MORC4: variants seen among roughly 807,000 people sequenced by gnomAD.
MORC4 encodes MORC family CW-type zinc finger protein 4.
In MORC4, 22 loss-of-function variants were observed where a neutral mutation model predicts 65.5. The ratio of observed to expected loss-of-function variants is 0.34; its 90% CI spans 0.24 to 0.48. The LOEUF is 0.48. Among genes scored for constraint, MORC4 ranks in the 20% least tolerant of loss-of-function variants. The pLI is 0.99. For synonymous variants in MORC4, 267 were observed against 255.8 expected (o/e 1.04, Z -0.42); for missense variants, 624 against 703.0 (o/e 0.89, Z 1.27).
In MORC4 at chrX:106,941,409, AGAC is replaced by A; in HGVS notation, c.*67_*69del. The stretch of plus-strand genomic sequence containing the variant: ...GAGAGAGAGAGAGAGAGAGAGAGAG[AGAC>A]GTGAGGGAGGGAGAGAAAAGAGAAC... On this transcript the variant is annotated 3_prime_UTR_variant, in exon 17 of 17. Transcript: ENST00000355610. The A allele has an allele frequency of 1.4e-6, 1 of 722,007 alleles. No individual in the cohort carries two copies. The highest frequency in any genetic ancestry group is 1.9e-6 in the Non-Finnish European group (1 of 514,210). 59.5% of individuals were successfully genotyped at this position (722,007 alleles called of 1,213,427 possible).
rs374561041 is a variant in MORC4, at chrX:106,956,462, G to A, written c.1509+18C>T. 3 of 1,173,417 alleles carry A rather than the reference G, an allele frequency of 2.6e-6. No homozygotes were observed. The highest frequency in any genetic ancestry group is 2.3e-6 in the Non-Finnish European group (2 of 860,471). On this transcript the variant is annotated intron_variant, in intron 13 of 16. Transcript: ENST00000355610. ...AAAATGTTGTGTGAGAACAATAAGG[G>A]TGTGCACTGCCTCTCACCTGGTGGT...
chrX:106,999,302 C>G (rs1935134983), intron 2 of MORC4, among the ~76,000 whole-genome samples: 1 of 111,626 alleles, frequency 9.0e-6, no homozygotes, highest in Non-Finnish European at 1.9e-5. Flanking sequence ...CGCCCCTTTG[C>G]TAGCTAGGCA....
chrX:106,945,983 C>T (rs922289379), intron 14 of MORC4, among the ~76,000 whole-genome samples: 1 of 111,844 alleles, frequency 8.9e-6, no homozygotes, highest in African/African-American at 3.2e-5. Flanking sequence ...TTTTTACTCA[C>T]TCATTTCATA....
In MORC4 at chrX:106,942,209, C is replaced by G; in HGVS notation, c.2389G>C (p.Glu797Gln). The G allele has an allele frequency of 8.3e-7, 1 of 1,203,532 alleles. No homozygotes were observed. Among genetic ancestry groups the G allele is most frequent in the Non-Finnish European group, 1.1e-6 (1 of 890,726 alleles). Residue 797 changes from glutamate to glutamine, a missense_variant, in exon 16 of 17, where the codon GAA (glutamate) becomes CAA (glutamine). By Grantham distance (29) the Glu-to-Gln change is conservative (BLOSUM62 2). Coordinates refer to ENST00000355610, the MANE Select transcript of MORC4 (RefSeq NM_024657.5). The part of the protein sequence containing the change: ...NLFQQKVEEL[E>Q]QERNHWQSEF... ...GACTGCCAGTGATTCCTCTCCTGTT[C>G]CAGCTCCTCCACCTGCAGTCCAAGA... is the stretch of plus-strand genomic sequence containing the variant.
intron 2 of MORC4, among the ~76,000 whole-genome samples, chrX:106,998,510 A>T (rs1409995331): frequency 8.9e-6 from 1 of 112,079 alleles, no homozygotes; most frequent in African/African-American, 3.2e-5. Context: ...CACTATGTAA[A>T]TCACTACTTT....
chrX:106,991,323 T>C (rs1165420022), intron 3 of MORC4, among the ~76,000 whole-genome samples: 1 of 112,624 alleles, frequency 8.9e-6, no homozygotes, highest in Non-Finnish European at 1.9e-5. Context: ...TCTTTCTCAT[T>C]AAGCTGTCAG....
rs764104167 is a variant in MORC4 at position 106,962,050 on chromosome X, T to C, written c.1218A>G (p.Gln406=). The C allele has an allele frequency of 2.5e-6, 3 of 1,210,328 alleles. No individual in the cohort carries two copies. The South Asian group carries it at 5.3e-5, about 21-fold the overall frequency. ...LNAYWKEKTS[Q]DNFETSTVAR... ...CTACAGTTGAGGTCTCAAAATTATC[T>C]TGAGATGTTTTTTCCTTCCAGTAAG... is the stretch of plus-strand genomic sequence containing the variant. Residue 406 remains glutamine (Q), a synonymous_variant, in exon 10 of 17, where the codon CAA becomes CAG. Coordinates refer to ENST00000355610, the MANE Select transcript of MORC4 (RefSeq NM_024657.5).
Position 106,962,078 on chromosome X carries a change from T to C in MORC4, c.1190A>G (p.Asn397Ser), listed in dbSNP as rs878920098. The C allele has an allele frequency of 3.3e-6, 4 of 1,209,083 alleles. No homozygotes were observed. Among genetic ancestry groups the C allele is most frequent in the South Asian group, 1.8e-5 (1 of 56,870 alleles). The change falls in exon 10 of 17, where the codon AAT becomes AGT. Residue 397 changes from asparagine to serine, a missense_variant. Asn to Ser is a conservative substitution (Grantham distance 46). Transcript: ENST00000355610. The stretch of plus-strand genomic sequence containing the variant: ...AGATGTTTTTTCCTTCCAGTAAGCA[T>C]TGAGCTTCTGGGCAAGGGCATTTAT... ...LTINALAQKL[N>S]AYWKEKTSQD...
rs1229390389 is a variant in MORC4 at position 106,941,461 on chromosome X, G to C, written c.*18C>G. The C allele has an allele frequency of 4.3e-6, 5 of 1,164,410 alleles. No individual in the cohort carries two copies. Among genetic ancestry groups the C allele is most frequent in the Non-Finnish European group, 5.8e-6 (5 of 862,332 alleles). ...ACAGACAGAAGATAAGAGAAGAGAAGGGTATACAGTCTGGTGCTCAATCCA... is the reference window on the plus strand; with the variant it reads ...ACAGACAGAAGATAAGAGAAGAGAACGGTATACAGTCTGGTGCTCAATCCA... On this transcript the variant is annotated 3_prime_UTR_variant, in exon 17 of 17. Transcript: ENST00000355610.
At chrX:106,964,024 A>G (rs931782326) in intron 9 of MORC4, among the ~76,000 whole-genome samples, 3 of 111,544 alleles carry the variant, frequency 2.7e-5, no homozygotes, top group African/African-American at 9.8e-5. Context: ...CGGCCCACTC[A>G]AAGGAAAAAA....
intron 2 of MORC4, among the ~76,000 whole-genome samples, chrX:106,993,689 T>C (rs1416121241): frequency 8.9e-6 from 1 of 112,614 alleles, no homozygotes; most frequent in Non-Finnish European, 1.9e-5. Context: ...TTTTGTCTTA[T>C]TACTTCTTGC....
chrX:106,970,810 AAG>A (rs1294097957), intron 9 of MORC4, among the ~76,000 whole-genome samples: 2 of 111,905 alleles, frequency 1.8e-5, no homozygotes, highest in African/African-American at 6.5e-5. Flanking sequence ...TCAAGGAAAT[AAG>A]AGAGGGCACA....
intron 8 of MORC4, 41 bp from the exon 9 acceptor site, chrX:106,976,725 G>A: frequency 9.9e-7 from 1 of 1,005,598 alleles, no homozygotes; most frequent in African/African-American, 1.9e-5. Context: ...CATTACTGTT[G>A]GCTGCCTGGA....
intron 9 of MORC4, among the ~76,000 whole-genome samples, chrX:106,974,931 CAGAAT>C (rs1409640321): frequency 1.8e-5 from 2 of 111,548 alleles, no homozygotes; most frequent in Non-Finnish European, 3.8e-5. Context: ...AGACTGTACG[CAGAAT>C]AGTATACTAG....
rs112078439 is a variant in MORC4, at chrX:106,951,201, C to T, written c.1685+3712G>A. 3.3e-3 allele frequency among the ~76,000 whole-genome samples: 366 copies of T among 111,142 alleles called. 3 individuals are homozygous for T. Among genetic ancestry groups the T allele is most frequent in the African/African-American group, 0.011 (339 of 30,467 alleles). ...TTGTTATTTCAAGTATTCCTTTAGA[C>T]ACAGTAGAATGTCTCTACTTCTCTC... is the stretch of plus-strand genomic sequence containing the variant. On this transcript the variant is annotated intron_variant, in intron 14 of 16. Transcript: ENST00000355610.
rs1212970367 is a variant in MORC4, at chrX:106,962,020, C to T, written c.1248G>A (p.Arg416=). The part of the protein sequence containing the change: ...QDNFETSTVA[R]PIPKVPDQTW... ...CTGTATGTATTACTTACGGTATTGG[C>T]CTGGCTACAGTTGAGGTCTCAAAAT... The change falls in exon 10 of 17, where the codon AGG becomes AGA. Residue 416 remains arginine, a synonymous_variant. Transcript: ENST00000355610. The T allele has an allele frequency of 1.7e-6, 2 of 1,197,567 alleles. No individual in the cohort carries two copies. The highest frequency in any genetic ancestry group is 5.9e-5 in the East Asian group (2 of 33,745).
intron 14 of MORC4, among the ~76,000 whole-genome samples, chrX:106,953,686 C>T (rs748250638): frequency 5.4e-5 from 6 of 111,032 alleles, no homozygotes; most frequent in Non-Finnish European, 9.4e-5. Context: ...TGAGATTTCG[C>T]TGTGTTGTCC....
chrX:106,967,701 G>A (rs971117214), intron 9 of MORC4, among the ~76,000 whole-genome samples: 11 of 111,664 alleles, frequency 9.9e-5, no homozygotes, highest in Admixed American at 3.8e-4. Context: ...TTGATGAAGC[G>A]GAAGAAAGGA....
chrX:106,947,859 C>T lies in MORC4; in HGVS notation c.1686-4654G>A, dbSNP rs571782668. Reference sequence around the variant, plus strand: ...AAACAGACAGAACTGTAGAGAGAAACAGACAATTCAACAATAATAGTTGGA... The same window carrying T: ...AAACAGACAGAACTGTAGAGAGAAATAGACAATTCAACAATAATAGTTGGA... On this transcript the variant is annotated intron_variant, in intron 14 of 16. Coordinates refer to ENST00000355610, the MANE Select transcript of MORC4 (RefSeq NM_024657.5). 2.8e-4 allele frequency among the ~76,000 whole-genome samples: 30 copies of T among 106,975 alleles called. 1 individual carries two copies. Among genetic ancestry groups the T allele is most frequent in the African/African-American group, 5.8e-4 (17 of 29,542 alleles). The allele number at this position is 106,975 out of a possible 115,157, so 92.9% of individuals were successfully genotyped here.
Sources: allele counts gnomAD v4.1 joint callset (sites outside exome capture counted in the v4.1 genomes callset), GRCh38; gene constraint gnomAD v4.1.1; transcripts MANE v1.5; gene names NCBI Gene and HGNC (gene_info 2026-07-23, HGNC 2026-07-21).